DYNC2H1: variants seen among roughly 807,000 people sequenced by gnomAD.
The protein encoded by DYNC2H1 is dynein cytoplasmic 2 heavy chain 1.
A neutral mutation model predicts 570.0 loss-of-function variants in DYNC2H1; 410 were observed. The observed-to-expected ratio is 0.72, with a 90% confidence interval of 0.66 to 0.78. DYNC2H1 has a LOEUF of 0.78. DYNC2H1 is among the 30% of genes least tolerant of loss of function. The probability of loss-of-function intolerance (pLI) is 0.00; values close to 1 mark genes in which losing one functional copy is unlikely to be tolerated. For synonymous variants in DYNC2H1, 1,688 were observed against 1,677.6 expected (o/e 1.01, Z -0.15); for missense variants, 4,865 against 5,046.4 (o/e 0.96, Z 1.09).
intron 55 of DYNC2H1, among the ~76,000 whole-genome samples, chr11:103,218,031 TA>T (rs1863449732): frequency 6.6e-6 from 1 of 152,152 alleles, no homozygotes; most frequent in Non-Finnish European, 1.5e-5. Context: ...ACATATCCAC[TA>T]GAATGGGTAA....
intron 85 of DYNC2H1, among the ~76,000 whole-genome samples, chr11:103,447,024 T>A (rs1944445611): frequency 6.6e-6 from 1 of 152,058 alleles, no homozygotes; most frequent in Admixed American, 6.6e-5. Context: ...ACCATCAGGG[T>A]TTTTAGCCCA....
At chr11:103,128,288 G>A (rs1429845022) in intron 12 of DYNC2H1, among the ~76,000 whole-genome samples, 1 of 152,180 alleles carries the variant, frequency 6.6e-6, no homozygotes, top group African/African-American at 2.4e-5. Context: ...AGGCCACTCT[G>A]GCTGCTTTGA....
Position 103,170,374 on chromosome 11 carries a change from TA to T in DYNC2H1, c.5151+89del. On this transcript the variant is annotated intron_variant, in intron 33 of 88. Transcript: ENST00000375735. The surrounding 1 kb of genome is among the most constrained non-coding windows in gnomAD (Gnocchi z 4.8). ...CTATTAGTATATGAAATACTCTACT[TA>T]AAAATCACTACATTTAAATTAGTTG... is the stretch of plus-strand genomic sequence containing the variant. The T allele has an allele frequency of 8.1e-7, 1 of 1,241,256 alleles. No homozygotes were observed. The highest frequency in any genetic ancestry group is 1.1e-6 in the Non-Finnish European group (1 of 930,350). The allele number at this position is 1,241,256 out of a possible 1,614,324, so 76.9% of individuals were successfully genotyped here.
rs538712656 is a variant in DYNC2H1 at position 103,377,324 on chromosome 11, C to T, written c.12156+18965C>T. Among the ~76,000 whole-genome samples the T allele has an allele frequency of 9.9e-5, 15 of 152,176 alleles. No homozygotes were observed. In the East Asian group the frequency reaches 2.7e-3, roughly 27 times the overall value. ...CTTTTGCTCCTCTTATTTTTTCCCCCTTGGACTGGGTTATTTCAAAAGACT... is the reference window on the plus strand; with the variant it reads ...CTTTTGCTCCTCTTATTTTTTCCCCTTTGGACTGGGTTATTTCAAAAGACT... On this transcript the variant is annotated intron_variant, in intron 83 of 88. Transcript: ENST00000375735.
chr11:103,341,296 C>T (rs1352155753), intron 82 of DYNC2H1, among the ~76,000 whole-genome samples: 1 of 152,160 alleles, frequency 6.6e-6, no homozygotes, highest in Non-Finnish European at 1.5e-5. Context: ...AAAAGCAAAA[C>T]TCAGATCACT....
intron 82 of DYNC2H1, among the ~76,000 whole-genome samples, chr11:103,340,728 C>T (rs1360588700): frequency 6.6e-6 from 1 of 151,970 alleles, no homozygotes; most frequent in Non-Finnish European, 1.5e-5. Context: ...ATTGTGAGGC[C>T]GTGTTTTAGT....
rs761346592 is a variant in DYNC2H1, at chr11:103,155,460, A to G, written c.3703A>G (p.Arg1235Gly). 2 of 1,611,980 alleles carry G rather than the reference A, an allele frequency of 1.2e-6. No individual in the cohort carries two copies. Among genetic ancestry groups the G allele is most frequent in the South Asian group, 1.1e-5 (1 of 90,660 alleles). ...LEKLLFGDLL[R>G]VADTIVAKAA... ...GAAACTACTGTTTGGTGATTTGCTC[A>G]GAGTAGCTGATACAATTGTAGCCAA... The change falls in exon 25 of 89, where the codon AGA becomes GGA. Residue 1235 changes from arginine (R) to glycine (G), a missense_variant. Arg to Gly is a moderately radical substitution (Grantham distance 125). Coordinates refer to ENST00000375735, the MANE Select transcript of DYNC2H1 (RefSeq NM_001377.3).
intron 87 of DYNC2H1, among the ~76,000 whole-genome samples, chr11:103,466,474 T>C (rs1945197244): frequency 6.6e-6 from 1 of 152,078 alleles, no homozygotes; most frequent in Admixed American, 6.6e-5. Context: ...GGCCACAGAC[T>C]AGGAAAAGAT....
At position 103,171,042 on chromosome 11, in the gene DYNC2H1, A is replaced by G. The variant is rs995227383; in HGVS notation, c.5308A>G (p.Thr1770Ala). 1.9e-6 allele frequency: 3 copies of G among 1,609,834 alleles called. No individual in the cohort carries two copies. Among genetic ancestry groups the G allele is most frequent in the Non-Finnish European group, 2.5e-6 (3 of 1,177,346 alleles). Residue 1770 changes from threonine to alanine, a missense_variant, in exon 34 of 89, where the codon ACT becomes GCT. Physicochemically the swap from Thr to Ala is moderately conservative, Grantham distance 58 (BLOSUM62 0). Transcript: ENST00000375735. ...TIQDALKNHR[T>A]VCELLGKEVE... ...TCAAGATGCTTTGAAGAATCATAGAACTGTATGTGAACTGCTTGGCAAGGA... is the reference window on the plus strand; with the variant it reads ...TCAAGATGCTTTGAAGAATCATAGAGCTGTATGTGAACTGCTTGGCAAGGA...
intron 54 of DYNC2H1, among the ~76,000 whole-genome samples, chr11:103,214,258 C>G (rs2135129570): frequency 6.6e-6 from 1 of 152,166 alleles, no homozygotes; most frequent in East Asian, 1.9e-4. Flanking sequence ...AGTGTGATGC[C>G]TCTAGCTTTG....
chr11:103,176,342 G>T lies in DYNC2H1; in HGVS notation c.5782G>T (p.Gly1928Ter). The T allele has an allele frequency of 6.3e-7, 1 of 1,584,908 alleles. No homozygotes were observed. The highest frequency in any genetic ancestry group is 8.6e-7 in the Non-Finnish European group (1 of 1,165,472). ...FDALIKDVFP[G>*]IELKEVEYDE... The stretch of plus-strand genomic sequence containing the variant: ...TGCACTGATAAAAGATGTCTTTCCG[G>T]GAATTGAATTGAAAGAAGTGGAATA... The change falls in exon 37 of 89, where the codon GGA (glycine) becomes TGA (stop). Residue 1928 changes from glycine to a stop codon, truncating the protein, a stop_gained. Coordinates refer to ENST00000375735, the MANE Select transcript of DYNC2H1 (RefSeq NM_001377.3). LOFTEE classifies it high-confidence loss of function.
chr11:103,163,019 C>G lies in DYNC2H1; in HGVS notation c.4492-9C>G. Reference sequence around the variant, plus strand: ...TCTTGTTTATATTATTTTCCAATTTCTTTTTCAGACATGGTTGAATGATTT... The same window carrying G: ...TCTTGTTTATATTATTTTCCAATTTGTTTTTCAGACATGGTTGAATGATTT... On this transcript the variant is annotated splice_polypyrimidine_tract_variant and intron_variant, in intron 29 of 88. Transcript: ENST00000375735. The surrounding 1 kb of genome is among the most constrained non-coding windows in gnomAD (Gnocchi z 4.6). 6.2e-7 allele frequency: 1 copy of G among 1,600,028 alleles called. No homozygotes were observed. Among genetic ancestry groups the G allele is most frequent in the Non-Finnish European group, 8.5e-7 (1 of 1,172,410 alleles).
intron 82 of DYNC2H1, among the ~76,000 whole-genome samples, chr11:103,338,872 CTT>C (rs1939294432): frequency 6.6e-6 from 1 of 152,080 alleles, no homozygotes; most frequent in East Asian, 1.9e-4. Flanking sequence ...GTTCTTGATG[CTT>C]ATGGACATTC....
At chr11:103,311,248 T>G (rs2135415274) in intron 78 of DYNC2H1, among the ~76,000 whole-genome samples, 1 of 152,338 alleles carries the variant, frequency 6.6e-6, no homozygotes, top group East Asian at 1.9e-4. Context: ...TTTTGCTATT[T>G]TCCCATGAAC....
intron 82 of DYNC2H1, among the ~76,000 whole-genome samples, chr11:103,339,033 C>T (rs1767458681): frequency 6.6e-6 from 1 of 152,164 alleles, no homozygotes; most frequent in South Asian, 2.1e-4. Flanking sequence ...GCCATTTTAG[C>T]ATTACCAGGT....
intron 11 of DYNC2H1, among the ~76,000 whole-genome samples, chr11:103,124,445 CAAAA>C (rs34997507): frequency 1.4e-5 from 1 of 71,388 alleles, no homozygotes. Flanking sequence ...TACCCTGTCT[CAAAA>C]AAAAAAAAAA....
chr11:103,334,986 T>A lies in DYNC2H1; in HGVS notation c.12039+10996T>A, dbSNP rs1180774101. Among the ~76,000 whole-genome samples the A allele has an allele frequency of 6.6e-6, 1 of 152,052 alleles. No homozygotes were observed. On this transcript the variant is annotated intron_variant, in intron 82 of 88. Transcript: ENST00000375735. This position sits in a 1 kb window ranked among gnomAD's most constrained non-coding sequence, Gnocchi z 4.3. ...TCCTTAATTATTCACCTTGAAGAAT[T>A]TGGAATAATTTCTTCAGTTTAGCAA...
At chr11:103,335,475 G>C (rs534907870) in intron 82 of DYNC2H1, among the ~76,000 whole-genome samples, 97 of 56,854 alleles carry the variant, frequency 1.7e-3, no homozygotes, top group African/African-American at 5.3e-3. Flanking sequence ...AGGATGTTTG[G>C]TTGGCTTCTG....
intron 60 of DYNC2H1, among the ~76,000 whole-genome samples, chr11:103,232,956 G>C (rs906004252): frequency 1.3e-5 from 2 of 151,880 alleles, no homozygotes; most frequent in African/African-American, 4.8e-5. Context: ...TGCAATGTTT[G>C]TAATATGACT....
Sources: gnomAD v4.1 joint callset for allele counts (sites outside exome capture counted in the v4.1 genomes callset) on GRCh38, gnomAD v4.1.1 for gene constraint, Gnocchi (gnomAD v3.1) non-coding constraint, MANE v1.5 for transcripts, NCBI Gene and HGNC (gene_info 2026-07-23, HGNC 2026-07-21) for gene names.